The following TMEM108 variants were observed in gnomAD, a reference collection of about 807,000 sequenced individuals.
TMEM108 encodes the protein cancer/testis antigen 124.
A neutral mutation model predicts 35.1 loss-of-function variants in TMEM108; 12 were observed. The ratio of observed to expected loss-of-function variants is 0.34; its 90% CI spans 0.22 to 0.55. TMEM108 has a LOEUF of 0.55. TMEM108 is among the 20% of genes least tolerant of loss of function. TMEM108 has a pLI of 0.89. For missense variants in TMEM108, 680 were observed against 753.3 expected, an observed-to-expected ratio of 0.90 and a Z score of 1.14; for synonymous variants, 287 against 308.6, an observed-to-expected ratio of 0.93 and a Z score of 0.73.
At chr3:133,270,928 A>T (rs979178710) in intron 3 of TMEM108, among the ~76,000 whole-genome samples, 2 of 152,140 alleles carry the variant, frequency 1.3e-5, no homozygotes, top group South Asian at 4.1e-4. Flanking sequence ...ACTCTGGTGC[A>T]GCTTGGGCAG....
At chr3:133,270,285 A>G (rs1173138801) in intron 3 of TMEM108, among the ~76,000 whole-genome samples, 1 of 152,198 alleles carries the variant, frequency 6.6e-6, no homozygotes, top group African/African-American at 2.4e-5. Context: ...GCTGAGGACA[A>G]GTATTTTAGT....
At chr3:133,286,543 C>T (rs546708689) in intron 3 of TMEM108, among the ~76,000 whole-genome samples, 3 of 152,256 alleles carry the variant, frequency 2.0e-5, no homozygotes, top group African/African-American at 7.2e-5. Context: ...CACTATGTTG[C>T]CTAGGCAGGC....
chr3:133,373,279 G>A (rs969954226), intron 3 of TMEM108, among the ~76,000 whole-genome samples: 1 of 150,352 alleles, frequency 6.7e-6, no homozygotes, highest in Non-Finnish European at 1.5e-5. Flanking sequence ...AGCCCAGGAA[G>A]TCAAGGCTGC....
At chr3:133,150,799 G>C (rs1238545848) in intron 2 of TMEM108, among the ~76,000 whole-genome samples, 2 of 152,210 alleles carry the variant, frequency 1.3e-5, no homozygotes, top group South Asian at 4.1e-4. Flanking sequence ...GATCCAATAA[G>C]TACAAGATGG....
chr3:133,048,295 A>G (rs1271561848), intron 2 of TMEM108, among the ~76,000 whole-genome samples: 1 of 152,232 alleles, frequency 6.6e-6, no homozygotes, highest in Non-Finnish European at 1.5e-5. Flanking sequence ...CAGACAATAC[A>G]GTAAAGACCA....
intron 2 of TMEM108, among the ~76,000 whole-genome samples, chr3:133,179,141 A>T (rs1367453977): frequency 6.6e-6 from 1 of 151,226 alleles, no homozygotes; most frequent in Non-Finnish European, 1.5e-5. Flanking sequence ...GCGATCATTA[A>T]AAAGTCAGGA....
At chr3:133,243,140 G>C (rs1171725940) in intron 3 of TMEM108, among the ~76,000 whole-genome samples, 1 of 152,176 alleles carries the variant, frequency 6.6e-6, no homozygotes, top group Non-Finnish European at 1.5e-5. Flanking sequence ...AGAAGGGATG[G>C]TAATTGTTCA....
At chr3:133,392,137 CTTCTT>C (rs1418653606) in intron 5 of TMEM108, among the ~76,000 whole-genome samples, 3 of 150,814 alleles carry the variant, frequency 2.0e-5, no homozygotes, top group South Asian at 2.1e-4. Flanking sequence ...CACCACTTCT[CTTCTT>C]TTTTTTTTTT....
At chr3:133,191,520 A>G (rs1018015848) in intron 2 of TMEM108, among the ~76,000 whole-genome samples, 3 of 152,210 alleles carry the variant, frequency 2.0e-5, no homozygotes, top group African/African-American at 4.8e-5. Flanking sequence ...CCACATGCCA[A>G]CAAGGATGGG....
At chr3:133,238,911 G>A (rs1468560330) in intron 3 of TMEM108, among the ~76,000 whole-genome samples, 1 of 152,144 alleles carries the variant, frequency 6.6e-6, no homozygotes, top group African/African-American at 2.4e-5. Context: ...TCCCTAGTGT[G>A]AGGAGATGAA....
At chr3:133,095,772 C>T (rs1944005054) in intron 2 of TMEM108, among the ~76,000 whole-genome samples, 2 of 152,216 alleles carry the variant, frequency 1.3e-5, no homozygotes, top group Admixed American at 1.3e-4. Flanking sequence ...TGATGGGGAG[C>T]AGCTGTAAGT....
chr3:133,234,502 C>T (rs895001275), intron 3 of TMEM108, among the ~76,000 whole-genome samples: 1 of 152,150 alleles, frequency 6.6e-6, no homozygotes, highest in African/African-American at 2.4e-5. Context: ...ACAAAAACCA[C>T]ATGATTATCT....
chr3:133,104,537 G>A (rs1245363352), intron 2 of TMEM108, among the ~76,000 whole-genome samples: 1 of 152,118 alleles, frequency 6.6e-6, no homozygotes, highest in Non-Finnish European at 1.5e-5. Context: ...AAAGGGTGAG[G>A]TCCTGGGGAG....
chr3:133,345,074 T>C (rs2071774688), intron 3 of TMEM108, among the ~76,000 whole-genome samples: 1 of 151,874 alleles, frequency 6.6e-6, no homozygotes, highest in Admixed American at 6.6e-5. Flanking sequence ...TGGTTTGTAT[T>C]ATACAGCTCA....
chr3:133,236,941 A>G (rs1946245926), intron 3 of TMEM108, among the ~76,000 whole-genome samples: 1 of 152,134 alleles, frequency 6.6e-6, no homozygotes, highest in African/African-American at 2.4e-5. Context: ...TAAACTAAGT[A>G]ATACCAAGAT....
intron 2 of TMEM108, among the ~76,000 whole-genome samples, chr3:133,103,055 A>G (rs1944107747): frequency 6.6e-6 from 1 of 152,238 alleles, no homozygotes; most frequent in Non-Finnish European, 1.5e-5. Context: ...AGACAGAAAT[A>G]CTGTTCGACT....
intron 5 of TMEM108, among the ~76,000 whole-genome samples, chr3:133,390,762 T>C (rs16840309): frequency 0.096 from 14,646 of 151,928 alleles, 791 homozygotes; most frequent in South Asian, 0.19. Context: ...AGACGAGTTA[T>C]AGACAAAGAG....
At chr3:133,055,017 A>G (rs1193612604) in intron 2 of TMEM108, among the ~76,000 whole-genome samples, 13 of 152,174 alleles carry the variant, frequency 8.5e-5, no homozygotes. Flanking sequence ...GGAGATTGGG[A>G]TCAACTTTCT....
chr3:133,386,147 C>T (rs1285779910), intron 4 of TMEM108, among the ~76,000 whole-genome samples: 1 of 152,222 alleles, frequency 6.6e-6, no homozygotes, highest in East Asian at 1.9e-4. Flanking sequence ...GTACCCCTGT[C>T]ATGGTCAATC....
Sources: gnomAD v4.1 joint callset for allele counts (sites outside exome capture counted in the v4.1 genomes callset) on GRCh38, gnomAD v4.1.1 for gene constraint, MANE v1.5 for transcripts, NCBI Gene and HGNC (gene_info 2026-07-23, HGNC 2026-07-21) for gene names.